Variants in SETD6 observed in about 807,000 individuals in gnomAD.
The protein encoded by SETD6 is SET domain containing 6, protein lysine methyltransferase, also known as N-lysine methyltransferase SETD6.
SETD6 carries 67 observed loss-of-function variants against 52.7 expected under a neutral mutation model. The observed-to-expected ratio is 1.27, with a 90% CI of 1.04 to 1.56. The LOEUF is 1.56. Ranked by LOEUF, SETD6 falls within the 40% of genes most tolerant of loss-of-function variation. The pLI is 0.00. For synonymous variants in SETD6, 307 were observed against 250.2 expected (o/e 1.23, Z -2.14); for missense variants, 712 against 607.5 (o/e 1.17, Z -1.81).
rs2039448121 is a variant in SETD6, at chr16:58,522,776, G to A, written c.*3747G>A. On this transcript the variant is annotated 3_prime_UTR_variant, in exon 8 of 8. Coordinates refer to ENST00000219315, the MANE Select transcript of SETD6 (RefSeq NM_001160305.4). ...TCACCACCACCTCAGAGAAACTCCT[G>A]ACCTTTAATCAAAATGTGCCTTGTG... Among the ~76,000 whole-genome samples, 4 of 152,322 alleles carry A rather than the reference G, an allele frequency of 2.6e-5. No individual in the cohort carries two copies. In the South Asian group the frequency reaches 8.3e-4, roughly 32 times the overall value.
chr16:58,518,142 A>T lies in SETD6; in HGVS notation c.884A>T (p.His295Leu), dbSNP rs748337587. ...CAAATGGCTAACTGGCAACTGATTCATATGTACGGTTTTGTTGAACCATAT... is the reference window on the plus strand; with the variant it reads ...CAAATGGCTAACTGGCAACTGATTCTTATGTACGGTTTTGTTGAACCATAT... ...YGQMANWQLI[H>L]MYGFVEPYPD... Residue 295 changes from histidine (H) to leucine (L), a missense_variant, in exon 6 of 8, where the codon CAT (histidine) becomes CTT (leucine). Coordinates refer to ENST00000219315, the MANE Select transcript of SETD6 (RefSeq NM_001160305.4). 3 of 1,614,236 alleles carry T rather than the reference A, an allele frequency of 1.9e-6. No homozygotes were observed. Among genetic ancestry groups the T allele is most frequent in the Non-Finnish European group, 1.7e-6 (2 of 1,180,044 alleles).
intron 7 of SETD6, 37 bp downstream of exon 7, chr16:58,518,580 C>CT: frequency 6.3e-7 from 1 of 1,589,078 alleles, no homozygotes; most frequent in Non-Finnish European, 8.5e-7. Context: ...TGCTGATAAT[C>CT]TAAGTATTTA....
In SETD6 at chr16:58,519,545, G is replaced by A. The variant is rs1340460105; in HGVS notation, c.*516G>A. On this transcript the variant is annotated 3_prime_UTR_variant, in exon 8 of 8. Transcript: ENST00000219315. ...AGGAGGACTTCAATTATTTAATTTT[G>A]AACTGTTTTGTCCTCTCTGGCCATA... The A allele has an allele frequency of 1.3e-5, 2 of 153,110 alleles. No homozygotes were observed. The highest frequency in any genetic ancestry group is 6.4e-5 in the Admixed American group (1 of 15,556). 9.5% of individuals were successfully genotyped at this position (153,110 alleles called of 1,614,324 possible).
chr16:58,517,144 A>G, intron 5 of SETD6: 1 of 640,320 alleles, frequency 1.6e-6, no homozygotes, highest in South Asian at 1.8e-5. Flanking sequence ...CTATACTACC[A>G]TCATTTATTT....
Position 58,515,901 on chromosome 16 carries a change from G to A in SETD6, c.138G>A (p.Gly46=), listed in dbSNP as rs369684022. The A allele has an allele frequency of 6.0e-6, 9 of 1,507,950 alleles. No individual in the cohort carries two copies. In the African/African-American group the frequency reaches 1.3e-4, roughly 22 times the overall value. The allele number at this position is 1,507,950 out of a possible 1,614,324, so 93.4% of individuals were successfully genotyped here. ...LSPKVSERAG[G]RRTRGGARAA... ...CCAAGGTGAGCGAGCGAGCCGGCGG[G>A]CGGAGGACCCGCGGCGGGGCGCGGG... The change falls in exon 2 of 8, where the codon GGG becomes GGA. Residue 46 remains glycine (G), a synonymous_variant. Coordinates refer to ENST00000219315, the MANE Select transcript of SETD6 (RefSeq NM_001160305.4).
rs1208895058 is a variant in SETD6, at chr16:58,515,547, C to G, written c.10C>G (p.Gln4Glu). The change falls in exon 1 of 8, where the codon CAG becomes GAG. Residue 4 changes from glutamine (Q) to glutamate (E), a missense_variant. Gln to Glu is a conservative substitution (Grantham distance 29). Transcript: ENST00000219315. ...AACGCGCTCTTAGACCATGGCGACC[C>G]AGGCGAAGCGTCCACGGGTGAGTGG... MAT[Q>E]AKRPRVAGPV... 3 of 1,589,068 alleles carry G rather than the reference C, an allele frequency of 1.9e-6. No individual in the cohort carries two copies. The highest frequency in any genetic ancestry group is 1.7e-5 in the Admixed American group (1 of 58,200).
Position 58,521,375 on chromosome 16 carries a change from T to A in SETD6, c.*2346T>A. 6.6e-7 allele frequency: 1 copy of A among 1,524,416 alleles called. No homozygotes were observed. The highest frequency in any genetic ancestry group is 1.4e-5 in the African/African-American group (1 of 71,526). The allele number at this position is 1,524,416 out of a possible 1,614,324, so 94.4% of individuals were successfully genotyped here. A position where few individuals can be genotyped will look rare whatever the true frequency, so the allele number is the denominator to read the frequency against. ...TAGAAGCATACAAATTCATGATTAT[T>A]CTTCCATTACTTTTTTTCTAACTTC... is the stretch of plus-strand genomic sequence containing the variant. On this transcript the variant is annotated 3_prime_UTR_variant, in exon 8 of 8. Transcript: ENST00000219315.
In SETD6 at chr16:58,520,054, T is replaced by A. The variant is rs2039310717; in HGVS notation, c.*1025T>A. ...CTACAAAATACAACACAGGGACCAA[T>A]ACATTTGCAAAACATTCAAAATCCT... is the stretch of plus-strand genomic sequence containing the variant. On this transcript the variant is annotated 3_prime_UTR_variant, in exon 8 of 8. Coordinates refer to ENST00000219315, the MANE Select transcript of SETD6 (RefSeq NM_001160305.4). The A allele has an allele frequency of 6.6e-6, 1 of 152,238 alleles. No homozygotes were observed. The highest frequency in any genetic ancestry group is 6.5e-5 in the Admixed American group (1 of 15,284). The allele number at this position is 152,238 out of a possible 1,614,324, so 9.4% of individuals were successfully genotyped here. A position where few individuals can be genotyped will look rare whatever the true frequency, so the allele number is the denominator to read the frequency against.
intron 5 of SETD6, 130 bp from the exon 6 acceptor site, chr16:58,517,921 T>C: frequency 8.7e-7 from 1 of 1,146,404 alleles, no homozygotes; most frequent in Non-Finnish European, 1.3e-6. Context: ...GAACTAAAGG[T>C]AGAACTTTGG....
In SETD6 at chr16:58,515,778, GCACTTATCT is replaced by G; in HGVS notation, c.28-10_28-2del. On this transcript the variant is annotated splice_polypyrimidine_tract_variant and splice_region_variant and intron_variant, in intron 1 of 7. Transcript: ENST00000219315. The stretch of plus-strand genomic sequence containing the variant: ...TGGGGGTCGGACCTGGTCACTGCGC[GCACTTATCT>G]CAGGTGGCGGGGCCCGTGGACGGCG... 6.8e-7 allele frequency: 1 copy of G among 1,481,350 alleles called. No individual in the cohort carries two copies. The highest frequency in any genetic ancestry group is 8.9e-7 in the Non-Finnish European group (1 of 1,124,208). 91.8% of individuals were successfully genotyped at this position (1,481,350 alleles called of 1,614,324 possible).
chr16:58,521,838 A>G lies in SETD6; in HGVS notation c.*2809A>G, dbSNP rs1430834962. On this transcript the variant is annotated 3_prime_UTR_variant, in exon 8 of 8. Transcript: ENST00000219315. ...ATGGTGGCCACATGCCTGTAATCCCAGCAGTCGGACGCTGAGGCAGGAGAA... is the reference window on the plus strand; with the variant it reads ...ATGGTGGCCACATGCCTGTAATCCCGGCAGTCGGACGCTGAGGCAGGAGAA... Among the ~76,000 whole-genome samples, 1 of 152,084 alleles carries G rather than the reference A, an allele frequency of 6.6e-6. No individual in the cohort carries two copies. Among genetic ancestry groups the G allele is most frequent in the Non-Finnish European group, 1.5e-5 (1 of 68,012 alleles).
In SETD6 at chr16:58,518,226, T is replaced by TAA; in HGVS notation, c.969_970insAA (p.Gln324AsnfsTer12). On this transcript the variant is annotated frameshift_variant, in exon 6 of 8. Coordinates refer to ENST00000219315, the MANE Select transcript of SETD6 (RefSeq NM_001160305.4). LOFTEE classifies it high-confidence loss of function. ...ATGGTGACAGTTCGTGAGGCAGCAT[T>TAA]ACAGGGTGAGTGTATCATTAACTCA... The TAA allele has an allele frequency of 6.2e-7, 1 of 1,614,224 alleles. No homozygotes were observed. The highest frequency in any genetic ancestry group is 8.5e-7 in the Non-Finnish European group (1 of 1,180,042).
At chr16:58,517,104 A>G (rs2039192237) in intron 5 of SETD6, 176 bp downstream of exon 5, 3 of 922,630 alleles carry the variant, frequency 3.3e-6, no homozygotes, top group Admixed American at 2.1e-5. Flanking sequence ...TAAAGTCCTC[A>G]AAGTAAGTTG....
In SETD6 at chr16:58,519,474, A is replaced by T. The variant is rs373807570; in HGVS notation, c.*445A>T. The T allele has an allele frequency of 1.2e-5, 2 of 166,852 alleles. No individual in the cohort carries two copies. The highest frequency in any genetic ancestry group is 1.7e-4 in the East Asian group (1 of 6,008). The allele number at this position is 166,852 out of a possible 1,614,324, so 10.3% of individuals were successfully genotyped here. On this transcript the variant is annotated 3_prime_UTR_variant, in exon 8 of 8. Transcript: ENST00000219315. ...GATAGTTACCCAAAGTTCAGTCTAG[A>T]TGGCACAAACCACCTCTCAGGGAAT...
In SETD6 at chr16:58,518,733, A is replaced by T. The variant is rs768935501; in HGVS notation, c.1126A>T (p.Met376Leu). ...ELTTTLKVLC[M>L]PAEEFRELKD... The stretch of plus-strand genomic sequence containing the variant: ...CTGTGGTTGCTTCTAGGTACTGTGC[A>T]TGCCTGCTGAGGAGTTCAGAGAGCT... Residue 376 changes from methionine to leucine, a missense_variant, in exon 8 of 8, where the codon ATG (methionine) becomes TTG (leucine). Physicochemically the swap from Met to Leu is conservative, Grantham distance 15. Coordinates refer to ENST00000219315, the MANE Select transcript of SETD6 (RefSeq NM_001160305.4). The T allele has an allele frequency of 6.2e-7, 1 of 1,614,062 alleles. No individual in the cohort carries two copies. Among genetic ancestry groups the T allele is most frequent in the Non-Finnish European group, 8.5e-7 (1 of 1,179,984 alleles).
chr16:58,516,517 C>T lies in SETD6; in HGVS notation c.516C>T (p.Gly172=), dbSNP rs771051166. Reference sequence around the variant, plus strand: ...GCCGGTGCCTGCTCCAGGGCACAGGCGTACCTGAGGCCGTGGAGAAGGATT... The same window carrying T: ...GCCGGTGCCTGCTCCAGGGCACAGGTGTACCTGAGGCCGTGGAGAAGGATT... ...EERRCLLQGT[G]VPEAVEKDLA... Residue 172 remains glycine (G), a synonymous_variant, in exon 4 of 8, where the codon GGC becomes GGT. Transcript: ENST00000219315. 8 of 1,614,102 alleles carry T rather than the reference C, an allele frequency of 5.0e-6. No individual in the cohort carries two copies. The highest frequency in any genetic ancestry group is 5.1e-6 in the Non-Finnish European group (6 of 1,179,998).
Position 58,521,065 on chromosome 16 carries a change from T to G in SETD6, c.*2036T>G, listed in dbSNP as rs2039350337. 9 of 1,613,996 alleles carry G rather than the reference T, an allele frequency of 5.6e-6. No homozygotes were observed. Among genetic ancestry groups the G allele is most frequent in the Non-Finnish European group, 7.6e-6 (9 of 1,179,938 alleles). The stretch of plus-strand genomic sequence containing the variant: ...AAGGATGAAGACAGTTACAAATCTC[T>G]GATTAAAGAGTAGGCCTAACAATAC... On this transcript the variant is annotated 3_prime_UTR_variant, in exon 8 of 8. Coordinates refer to ENST00000219315, the MANE Select transcript of SETD6 (RefSeq NM_001160305.4).
At chr16:58,517,002 T>C in intron 5 of SETD6, 74 bp downstream of exon 5, 1 of 1,608,232 alleles carries the variant, frequency 6.2e-7, no homozygotes, top group Non-Finnish European at 8.5e-7. Context: ...ATTCTCTTAC[T>C]AGTGCTACAA....
intron 5 of SETD6, chr16:58,517,219 A>G (rs2039196272): frequency 4.8e-6 from 2 of 420,788 alleles, no homozygotes; most frequent in East Asian, 1.1e-4. Context: ...CACATCAGTG[A>G]GCCCAGACTG....
Sources: allele counts gnomAD v4.1 joint callset (sites outside exome capture counted in the v4.1 genomes callset), GRCh38; gene constraint gnomAD v4.1.1; transcripts MANE v1.5; gene names NCBI Gene and HGNC (gene_info 2026-07-23, HGNC 2026-07-21).